F13B: variants seen among roughly 807,000 people sequenced by gnomAD.
F13B encodes the protein coagulation factor XIII B chain, also known as TGase.
Under a neutral mutation model 79.8 loss-of-function variants are expected in F13B, and 58 were observed. That is an observed-to-expected ratio of 0.73 (90% confidence interval 0.59 to 0.90). The LOEUF (loss-of-function observed/expected upper bound fraction) is 0.90, where lower values mean the gene tolerates loss of function less well. F13B is among the 40% of genes least tolerant of loss of function. The pLI, the probability that F13B is intolerant of heterozygous loss-of-function variation, is 0.00. For missense variants in F13B, 773 were observed against 777.0 expected (o/e 0.99, Z 0.06); for synonymous variants, 283 against 260.3 (o/e 1.09, Z -0.84).
chr1:197,052,980 T>C (rs1571560317), intron 8 of F13B, 146 bp from the exon 9 acceptor site: 1 of 570,610 alleles, frequency 1.8e-6, no homozygotes, highest in African/African-American at 1.9e-5. Context: ...CACATATATA[T>C]ATAAGAAAAT....
chr1:197,064,032 GATATTTAA>G, intron 1 of F13B, among the ~76,000 whole-genome samples: 1 of 152,122 alleles, frequency 6.6e-6, no homozygotes, highest in African/African-American at 2.4e-5. Flanking sequence ...GGCAAAATAG[GATATTTAA>G]ATGGTTAGAG....
intron 10 of F13B, among the ~76,000 whole-genome samples, chr1:197,046,288 C>T (rs938946712): frequency 6.6e-6 from 1 of 152,148 alleles, no homozygotes; most frequent in Non-Finnish European, 1.5e-5. Context: ...CCCAAAATCT[C>T]CTTAAGCTGA....
At chr1:197,046,685 A>G (rs1390773807) in intron 10 of F13B, among the ~76,000 whole-genome samples, 1 of 152,204 alleles carries the variant, frequency 6.6e-6, no homozygotes, top group African/African-American at 2.4e-5. Context: ...TGGAACCAAA[A>G]AAGAGCCCGC....
At chr1:197,056,083 AAT>A (rs1332531909) in intron 7 of F13B, among the ~76,000 whole-genome samples, 186 bp from the exon 8 acceptor site, 4 of 152,266 alleles carry the variant, frequency 2.6e-5, no homozygotes, top group African/African-American at 9.6e-5. Flanking sequence ...GTTGACAGCA[AAT>A]ATGTTACCTA....
chr1:197,055,240 C>T (rs17514620), intron 8 of F13B, among the ~76,000 whole-genome samples: 1 of 151,922 alleles, frequency 6.6e-6, no homozygotes, highest in Non-Finnish European at 1.5e-5. Context: ...ATGTAACAAA[C>T]GTGTCCATTC....
chr1:197,064,998 G>C (rs1655998956), intron 1 of F13B, among the ~76,000 whole-genome samples: 1 of 152,090 alleles, frequency 6.6e-6, no homozygotes, highest in South Asian at 2.1e-4. Flanking sequence ...GTGGAATGAT[G>C]AGCAACAAAA....
chr1:197,064,710 A>T (rs1655986228), intron 1 of F13B, among the ~76,000 whole-genome samples: 1 of 152,054 alleles, frequency 6.6e-6, no homozygotes, highest in Non-Finnish European at 1.5e-5. Context: ...TGATTTTTGC[A>T]TTTTTCTGGA....
At chr1:197,063,747 T>C (rs1282119813) in intron 1 of F13B, among the ~76,000 whole-genome samples, 2 of 152,184 alleles carry the variant, frequency 1.3e-5, no homozygotes, top group Non-Finnish European at 2.9e-5. Context: ...TTTAACCCAA[T>C]ATATTGAAAA....
chr1:197,054,700 TAAATC>T (rs948893959), intron 8 of F13B, among the ~76,000 whole-genome samples: 36 of 152,012 alleles, frequency 2.4e-4, no homozygotes, highest in African/African-American at 8.7e-4. Context: ...AATTCTTAAA[TAAATC>T]AAATTAAAAT....
intron 10 of F13B, among the ~76,000 whole-genome samples, chr1:197,049,675 A>G (rs1655369254): frequency 6.6e-6 from 1 of 152,158 alleles, no homozygotes; most frequent in Non-Finnish European, 1.5e-5. Context: ...GAACCAGAAA[A>G]GACGGAACAC....
rs1450876606 is a variant in F13B at position 197,061,982 on chromosome 1, A to C, written c.266-13T>G. ...TTAGTGCATTTTTCTATGGGAAAAA[A>C]AATTATTTAACTTAATGATGAAACT... On this transcript the variant is annotated splice_polypyrimidine_tract_variant and intron_variant, in intron 2 of 11. Coordinates refer to ENST00000367412, the MANE Select transcript of F13B (RefSeq NM_001994.3). The C allele has an allele frequency of 1.2e-6, 2 of 1,601,402 alleles. No homozygotes were observed. The highest frequency in any genetic ancestry group is 2.2e-5 in the South Asian group (2 of 90,570).
rs781395706 is a variant in F13B at position 197,052,681 on chromosome 1, A to G, written c.1508T>C (p.Val503Ala). Residue 503 changes from valine (V) to alanine (A), a missense_variant, in exon 9 of 12, where the codon GTG becomes GCG. Transcript: ENST00000367412. ...SPLTPLSELS[V>A]QCNRGEVKYP... ...TTTCACTTCTCCTCTGTTGCACTGC[A>G]CAGATAATTCAGACAATGGGGTTAA... The G allele has an allele frequency of 6.2e-7, 1 of 1,612,138 alleles. No homozygotes were observed. Among genetic ancestry groups the G allele is most frequent in the East Asian group, 2.2e-5 (1 of 44,710 alleles).
intron 10 of F13B, among the ~76,000 whole-genome samples, chr1:197,044,838 C>T (rs1194671389): frequency 1.3e-5 from 2 of 152,120 alleles, no homozygotes; most frequent in African/African-American, 2.4e-5. Flanking sequence ...CAAATTAGAA[C>T]TCAGGATTAA....
intron 10 of F13B, among the ~76,000 whole-genome samples, chr1:197,043,231 A>G (rs541908039): frequency 4.5e-4 from 68 of 152,294 alleles, no homozygotes; most frequent in African/African-American, 1.6e-3. Flanking sequence ...CCCTCTGTAA[A>G]GAGCCCTGGA....
chr1:197,063,050 G>C lies in F13B; in HGVS notation c.72C>G (p.Pro24=), dbSNP rs1303213337. The change falls in exon 2 of 12, where the codon CCC becomes CCG. Residue 24 remains proline (P), a synonymous_variant. Coordinates refer to ENST00000367412, the MANE Select transcript of F13B (RefSeq NM_001994.3). ...CATTTTCCACATGAGGAAAACCACA[G>C]GGTTTCTCTGAAATGAGTAAATGTC... is the stretch of plus-strand genomic sequence containing the variant. ...ISGELYAEEK[P]CGFPHVENGR... 1.1e-5 allele frequency: 17 copies of C among 1,610,794 alleles called. No homozygotes were observed. Among genetic ancestry groups the C allele is most frequent in the Non-Finnish European group, 1.4e-5 (17 of 1,178,686 alleles).
At position 197,052,763 on chromosome 1, in the gene F13B, C is replaced by T. The variant is rs371988090; in HGVS notation, c.1426G>A (p.Val476Ile). 2 of 1,610,034 alleles carry T rather than the reference C, an allele frequency of 1.2e-6. No individual in the cohort carries two copies. The highest frequency in any genetic ancestry group is 8.5e-7 in the Non-Finnish European group (1 of 1,177,520). ...IEMKWKYEGK[V>I]LHGDLIDFVC... ...AAATCTATTAAATCTCCATGTAAGA[C>T]TTTCCCTTCATATTTCCACTTCATT... Residue 476 changes from valine (V) to isoleucine (I), a missense_variant, in exon 9 of 12, where the codon GTC becomes ATC. Coordinates refer to ENST00000367412, the MANE Select transcript of F13B (RefSeq NM_001994.3).
intron 6 of F13B, 41 bp from the exon 7 acceptor site, chr1:197,057,239 C>T (rs746252205): frequency 2.6e-5 from 42 of 1,613,736 alleles, no homozygotes; most frequent in Non-Finnish European, 3.4e-5. Flanking sequence ...CATTTAGCTA[C>T]ACATGCAGAT....
At chr1:197,042,656 A>T (rs1217598942) in intron 10 of F13B, among the ~76,000 whole-genome samples, 2 of 121,814 alleles carry the variant, frequency 1.6e-5, no homozygotes, top group Non-Finnish European at 1.7e-5. Flanking sequence ...CCATCTCTAC[A>T]AAAAAAAAAA....
chr1:197,056,735 G>C (rs1655653800), intron 7 of F13B, among the ~76,000 whole-genome samples: 1 of 152,100 alleles, frequency 6.6e-6, no homozygotes, highest in African/African-American at 2.4e-5. Flanking sequence ...GAACTTACAG[G>C]TAATGGCATG....
Sources: gnomAD v4.1 joint callset for allele counts (sites outside exome capture counted in the v4.1 genomes callset) on GRCh38, gnomAD v4.1.1 for gene constraint, MANE v1.5 for transcripts, NCBI Gene and HGNC (gene_info 2026-07-23, HGNC 2026-07-21) for gene names.